The following ZNF578 variants were observed in gnomAD, a reference collection of about 807,000 sequenced individuals.
The protein encoded by ZNF578 is Putative chemokine-related protein B42.
In ZNF578, 8 loss-of-function variants were observed where a neutral mutation model predicts 8.3. That is an observed-to-expected ratio of 0.96 (90% CI 0.56 to 1.74). The LOEUF (loss-of-function observed/expected upper bound fraction) is 1.74. Ranked by LOEUF, ZNF578 falls within the 40% of genes most tolerant of loss-of-function variation. The pLI, the probability that ZNF578 is intolerant of heterozygous loss-of-function variation, is 0.00. For missense variants in ZNF578, 726 were observed against 707.5 expected (o/e 1.03, Z -0.30); for synonymous variants, 206 against 232.2 (o/e 0.89, Z 1.03).
intron 3 of ZNF578, 106 bp from the exon 4 acceptor site, chr19:52,501,721 G>A (rs1430697290): frequency 2.8e-6 from 3 of 1,085,168 alleles, no homozygotes; most frequent in Non-Finnish European, 2.6e-6. Context: ...TGGGCAGTGG[G>A]GGGGGCTTCT....
chr19:52,510,464 G>A, intron 5 of ZNF578, 108 bp from the exon 6 acceptor site: 1 of 1,364,764 alleles, frequency 7.3e-7, no homozygotes, highest in Non-Finnish European at 9.6e-7. Flanking sequence ...TGAAGATCAT[G>A]TTTGGGAAGT....
rs552288716 is a variant in ZNF578 at position 52,515,731 on chromosome 19, CT to C, written c.*3589del. ...AAATGGAGTGCGTGTCTGGGTGTGG[CT>C]TTTTTTTTTTTGAGGAGTGCCCAGT... On this transcript the variant is annotated 3_prime_UTR_variant, in exon 6 of 6. Transcript: ENST00000421239. 1.2e-3 allele frequency among the ~76,000 whole-genome samples: 178 copies of C among 142,710 alleles called. No homozygotes were observed. The highest frequency in any genetic ancestry group is 1.3e-3 in the South Asian group (6 of 4,514). 93.6% of individuals were successfully genotyped at this position (142,710 alleles called of 152,430 possible). A position where few individuals can be genotyped will look rare whatever the true frequency, so the allele number is the denominator to read the frequency against.
chr19:52,491,245 TG>T (rs112121975), intron 2 of ZNF578, 78 bp from the exon 3 acceptor site: 74,488 of 167,034 alleles, frequency 0.45, 17,040 homozygotes, highest in Middle Eastern at 0.56. Flanking sequence ...AGTATTTTTT[TG>T]TGTGTCATAT....
At chr19:52,494,197 G>T (rs1173644092) in intron 3 of ZNF578, among the ~76,000 whole-genome samples, 2 of 151,714 alleles carry the variant, frequency 1.3e-5, no homozygotes, top group African/African-American at 4.8e-5. Flanking sequence ...CAGTAATGAA[G>T]AAAGAGTGGC....
chr19:52,480,556 A>G (rs2059322312), intron 2 of ZNF578, among the ~76,000 whole-genome samples: 1 of 148,990 alleles, frequency 6.7e-6, no homozygotes, highest in Admixed American at 6.7e-5. Context: ...GTTGTGCTGG[A>G]TATTGCAGTT....
At position 52,513,337 on chromosome 19, in the gene ZNF578, C is replaced by CTTTTTTT. The variant is rs11318311; in HGVS notation, c.*1201_*1207dup. 2.0e-5 allele frequency among the ~76,000 whole-genome samples: 2 copies of CTTTTTTT among 101,360 alleles called. No homozygotes were observed. Among genetic ancestry groups the CTTTTTTT allele is most frequent in the African/African-American group, 3.4e-5 (1 of 29,756 alleles). 66.5% of individuals were successfully genotyped at this position (101,360 alleles called of 152,430 possible). Reference sequence around the variant, plus strand: ...GCGCCTGGCATTGTTTCTTCTTTTCCTTTTTTTTTTTTTTTTTTTTTTTTG... The same window carrying CTTTTTTT: ...GCGCCTGGCATTGTTTCTTCTTTTCCTTTTTTTTTTTTTTTTTTTTTTTTTTTTTTTG... On this transcript the variant is annotated 3_prime_UTR_variant, in exon 6 of 6. Transcript: ENST00000421239.
intron 2 of ZNF578, among the ~76,000 whole-genome samples, chr19:52,481,211 C>T (rs1240611886): frequency 6.6e-6 from 1 of 152,154 alleles, no homozygotes; most frequent in Non-Finnish European, 1.5e-5. Flanking sequence ...GCAGACTCCT[C>T]CTGGTGTCCC....
rs990793482 is a variant in ZNF578, at chr19:52,510,626, C to G, written c.245C>G (p.Thr82Arg). 1 of 1,594,018 alleles carries G rather than the reference C, an allele frequency of 6.3e-7. No individual in the cohort carries two copies. The highest frequency in any genetic ancestry group is 1.4e-5 in the African/African-American group (1 of 74,018). ...KEVLSTGQGN[T>R]EVIHTGMLQR... ...GTCTTGTCAACAGGGCAAGGCAATA[C>G]AGAAGTGATCCACACAGGGATGTTG... The change falls in exon 6 of 6, where the codon ACA becomes AGA. Residue 82 changes from threonine (T) to arginine (R), a missense_variant. By Grantham distance (71) the Thr-to-Arg change is moderately conservative (BLOSUM62 -1). Transcript: ENST00000421239.
At chr19:52,468,349 G>C (rs1162400697) in intron 2 of ZNF578, among the ~76,000 whole-genome samples, 1 of 152,022 alleles carries the variant, frequency 6.6e-6, no homozygotes, top group Admixed American at 6.6e-5. Flanking sequence ...AAATATCTTA[G>C]GCAATTTTAC....
chr19:52,457,523 G>T (rs2059243281), intron 2 of ZNF578: 1 of 152,156 alleles, frequency 6.6e-6, no homozygotes, highest in Admixed American at 6.5e-5. Context: ...TTGAAGCTGG[G>T]TGGTCATAAG....
At chr19:52,487,120 T>C (rs1257912488) in intron 2 of ZNF578, among the ~76,000 whole-genome samples, 1 of 151,722 alleles carries the variant, frequency 6.6e-6, no homozygotes, top group Non-Finnish European at 1.5e-5. Context: ...ATTGCTTGAG[T>C]CCAGGATTTC....
intron 3 of ZNF578, among the ~76,000 whole-genome samples, chr19:52,492,572 C>G (rs571025991): frequency 6.6e-6 from 1 of 152,208 alleles, no homozygotes; most frequent in Non-Finnish European, 1.5e-5. Flanking sequence ...AGTTTGCATG[C>G]CCGTTCCAGA....
chr19:52,465,147 C>T (rs568957052), intron 2 of ZNF578, among the ~76,000 whole-genome samples: 1 of 152,288 alleles, frequency 6.6e-6, no homozygotes, highest in African/African-American at 2.4e-5. Context: ...TGCAGAGCGG[C>T]CACTGTTTGA....
At chr19:52,499,767 CCT>C (rs1206848968) in intron 3 of ZNF578, among the ~76,000 whole-genome samples, 2 of 150,114 alleles carry the variant, frequency 1.3e-5, no homozygotes, top group African/African-American at 4.9e-5. Context: ...CTCACTGCAA[CCT>C]CTGTCTCCTG....
At chr19:52,509,759 C>CA (rs555639197) in intron 5 of ZNF578, among the ~76,000 whole-genome samples, 1 of 151,886 alleles carries the variant, frequency 6.6e-6, no homozygotes, top group African/African-American at 2.4e-5. Flanking sequence ...AAGACTGTCT[C>CA]AAAAAAATAA....
chr19:52,500,312 G>A (rs1383227239), intron 3 of ZNF578, among the ~76,000 whole-genome samples: 3 of 152,116 alleles, frequency 2.0e-5, no homozygotes, highest in Admixed American at 6.5e-5. Context: ...GGGAAGGTGG[G>A]AGAACTTTAA....
rs559288440 is a variant in ZNF578, at chr19:52,467,954, C to T, written c.-122+10996C>T. Among the ~76,000 whole-genome samples the T allele has an allele frequency of 2.6e-3, 398 of 152,096 alleles. 1 individual carries two copies. The highest frequency in any genetic ancestry group is 4.7e-3 in the Non-Finnish European group (320 of 67,996). On this transcript the variant is annotated intron_variant, in intron 2 of 5. Transcript: ENST00000421239. ...TATTTCCTTCTTTTTTTCATATTTA[C>T]AATAAACCTAGTTTATACCTGCCGT... is the stretch of plus-strand genomic sequence containing the variant.
intron 3 of ZNF578, among the ~76,000 whole-genome samples, chr19:52,494,604 C>T (rs1231727604): frequency 6.6e-6 from 1 of 152,096 alleles, no homozygotes; most frequent in Non-Finnish European, 1.5e-5. Context: ...AATAACTTGT[C>T]TAAATTATAC....
At position 52,513,546 on chromosome 19, in the gene ZNF578, C is replaced by A. The variant is rs956970530; in HGVS notation, c.*1392C>A. Among the ~76,000 whole-genome samples the A allele has an allele frequency of 6.6e-6, 1 of 151,376 alleles. No individual in the cohort carries two copies. The highest frequency in any genetic ancestry group is 2.4e-5 in the African/African-American group (1 of 41,234). ...GAGATTGAGACCGTCCTGGCTAACA[C>A]GGTGAAACCTCGTCTCTACTAAAAA... On this transcript the variant is annotated 3_prime_UTR_variant, in exon 6 of 6. Transcript: ENST00000421239.
Sources: allele counts gnomAD v4.1 joint callset (sites outside exome capture counted in the v4.1 genomes callset), GRCh38; gene constraint gnomAD v4.1.1; transcripts MANE v1.5; gene names NCBI Gene and HGNC (gene_info 2026-07-23, HGNC 2026-07-21).